The following ATAD2B variants were observed in gnomAD, a reference collection of about 807,000 sequenced individuals.
ATAD2B encodes ATPase family AAA domain-containing protein 2B.
In ATAD2B, 40 loss-of-function variants were observed where a neutral mutation model predicts 167.6. The observed-to-expected ratio is 0.24, with a 90% CI of 0.19 to 0.31. The LOEUF (loss-of-function observed/expected upper bound fraction) is 0.31. Among genes scored for constraint, ATAD2B ranks in the 10% least tolerant of loss-of-function variants. The pLI is 1.00. For synonymous variants in ATAD2B, 579 were observed against 596.5 expected (o/e 0.97, Z 0.43); for missense variants, 1,242 against 1,757.2 (o/e 0.71, Z 5.24).
chr2:23,754,199 C>A lies in ATAD2B; in HGVS notation c.4315G>T (p.Asp1439Tyr). 1 of 1,546,656 alleles carries A rather than the reference C, an allele frequency of 6.5e-7. No homozygotes were observed. Among genetic ancestry groups the A allele is most frequent in the Admixed American group, 2.0e-5 (1 of 48,932 alleles). The change falls in exon 27 of 28, where the codon GAC (aspartate) becomes TAC (tyrosine). Residue 1439 changes from aspartate (D) to tyrosine (Y), a missense_variant. By Grantham distance (160) the Asp-to-Tyr change is radical. Around this residue, in one of 9 missense-constraint regions of ATAD2B, gnomAD observed 282 missense variants for 346.8 expected, o/e 0.81. Coordinates refer to ENST00000238789, the MANE Select transcript of ATAD2B (RefSeq NM_017552.4). Reference protein sequence around the residue: ...QCIYRHRKDYDKSQLVEEMER... With the variant: ...QCIYRHRKDYYKSQLVEEMER... The stretch of plus-strand genomic sequence containing the variant: ...CTTACCTCTACAAGTTGTGATTTGT[C>A]ATAATCTTTACGATGACGGTAGATA...
At chr2:23,879,900 A>G (rs1697593055) in intron 7 of ATAD2B, among the ~76,000 whole-genome samples, 1 of 152,024 alleles carries the variant, frequency 6.6e-6, no homozygotes, top group Non-Finnish European at 1.5e-5. Context: ...ACTGAAAAAA[A>G]TATAAAAATT....
Position 23,875,829 on chromosome 2 carries a change from C to G in ATAD2B, c.977G>C (p.Arg326Thr). Reference protein sequence around the residue: ...HRSPARRSHIRRKKHAIHSSD... With the variant: ...HRSPARRSHITRKKHAIHSSD... ...GTTTCCTTTCAAAAACAAACCTTAC[C>G]TAATATGGCTTCTTCTTGCTGGAGA... Residue 326 changes from arginine to threonine, a missense_variant and splice_region_variant, in exon 8 of 28, where the codon AGG becomes ACG. By Grantham distance (71) the Arg-to-Thr change is moderately conservative (BLOSUM62 -1). Transcript: ENST00000238789. 6.2e-7 allele frequency: 1 copy of G among 1,603,426 alleles called. No homozygotes were observed. The highest frequency in any genetic ancestry group is 8.5e-7 in the Non-Finnish European group (1 of 1,173,434).
In ATAD2B at chr2:23,874,484, C is replaced by T. The variant is rs1256215427; in HGVS notation, c.977+1345G>A. ...CTGTAATCCCAGCACTTTGGGATCA[C>T]TTGAGCCCAGGAGTTCAAGACCAGT... is the stretch of plus-strand genomic sequence containing the variant. On this transcript the variant is annotated intron_variant, in intron 8 of 27. Coordinates refer to ENST00000238789, the MANE Select transcript of ATAD2B (RefSeq NM_017552.4). 4.6e-5 allele frequency among the ~76,000 whole-genome samples: 7 copies of T among 152,080 alleles called. No homozygotes were observed. In the South Asian group the frequency reaches 1.4e-3, roughly 31 times the overall value.
At chr2:23,902,781 T>C (rs768976998) in intron 1 of ATAD2B, among the ~76,000 whole-genome samples, 6 of 152,096 alleles carry the variant, frequency 3.9e-5, no homozygotes, top group Non-Finnish European at 7.4e-5. Flanking sequence ...AAGAACTACT[T>C]GAGGCCAAGC....
chr2:23,803,708 A>G (rs991917341), intron 18 of ATAD2B, among the ~76,000 whole-genome samples: 1 of 152,220 alleles, frequency 6.6e-6, no homozygotes, highest in Admixed American at 6.5e-5. Flanking sequence ...TGTCATGTAT[A>G]TTCTTGTGCA....
chr2:23,706,375 TGCAAAAGGCACAGGCAGCC>T, the ATAD2B span: 4 of 875,976 alleles, frequency 4.6e-6, no homozygotes, highest in African/African-American at 7.1e-5. Flanking sequence ...AGATGCCTTC[TGCAAAAGGCACAGGCAGCC>T]TACAACAGGA....
chr2:23,714,583 A>G, the ATAD2B span, among the ~76,000 whole-genome samples: 1 of 149,856 alleles, frequency 6.7e-6, no homozygotes, highest in Non-Finnish European at 1.5e-5. Flanking sequence ...GGCCAGGTGC[A>G]GTAGCTCACG....
At chr2:23,920,707 CA>C (rs1297572820) in intron 1 of ATAD2B, among the ~76,000 whole-genome samples, 6 of 149,028 alleles carry the variant, frequency 4.0e-5, no homozygotes, top group South Asian at 4.3e-4. Context: ...ACTTACTGCT[CA>C]AAAAAAAAAT....
chr2:23,776,116 AAAATAAAT>A (rs926760570), intron 22 of ATAD2B, among the ~76,000 whole-genome samples: 2 of 152,156 alleles, frequency 1.3e-5, no homozygotes, highest in African/African-American at 2.4e-5. Context: ...CTCCGTCTCA[AAAATAAAT>A]AAATAAATAA....
chr2:23,799,234 A>T (rs543804465), intron 18 of ATAD2B, among the ~76,000 whole-genome samples: 1 of 152,236 alleles, frequency 6.6e-6, no homozygotes, highest in South Asian at 2.1e-4. Flanking sequence ...ATTTTCCCTT[A>T]TTTTTAACAC....
chr2:23,880,431 C>G (rs987050116), intron 7 of ATAD2B, among the ~76,000 whole-genome samples: 1 of 151,866 alleles, frequency 6.6e-6, no homozygotes, highest in Non-Finnish European at 1.5e-5. Flanking sequence ...CTCATGGTGG[C>G]GGGCACCTGT....
In ATAD2B at chr2:23,891,342, T is replaced by C. The variant is rs17045985; in HGVS notation, c.369-2943A>G. ...GCCTACACTGAGATTTTGTAAGGGT[T>C]AGCCTGCTTAAACGTATATGCCTAA... On this transcript the variant is annotated intron_variant, in intron 2 of 27. Transcript: ENST00000238789. 3.4e-3 allele frequency among the ~76,000 whole-genome samples: 523 copies of C among 152,240 alleles called. 4 individuals carry two copies. Among genetic ancestry groups the C allele is most frequent in the African/African-American group, 0.012 (508 of 41,542 alleles).
intron 1 of ATAD2B, among the ~76,000 whole-genome samples, chr2:23,914,710 C>T (rs1290085165): frequency 6.6e-6 from 1 of 151,896 alleles, no homozygotes; most frequent in Non-Finnish European, 1.5e-5. Context: ...GGCGAGGTGG[C>T]GGGCACCTGT....
chr2:23,714,697 A>C, the ATAD2B span, among the ~76,000 whole-genome samples: 1 of 151,856 alleles, frequency 6.6e-6, no homozygotes, highest in Admixed American at 6.6e-5. Flanking sequence ...TCTACTAAAA[A>C]TACAAAAATT....
At chr2:23,760,125 G>A (rs989637382) in intron 24 of ATAD2B, among the ~76,000 whole-genome samples, 5 of 152,340 alleles carry the variant, frequency 3.3e-5, no homozygotes, top group Non-Finnish European at 5.9e-5. Flanking sequence ...GCAAGTTACT[G>A]CAGGATAGAC....
chr2:23,834,129 T>A, intron 13 of ATAD2B, 51 bp from the exon 14 acceptor site: 2 of 713,864 alleles, frequency 2.8e-6, no homozygotes, highest in Non-Finnish European at 4.3e-6. Context: ...CACTGCTGCT[T>A]ACAATAACGT....
chr2:23,812,457 T>C (rs10188521), intron 17 of ATAD2B, among the ~76,000 whole-genome samples: 245 of 152,296 alleles, frequency 1.6e-3, no homozygotes, highest in African/African-American at 5.7e-3. Context: ...TTTATACACA[T>C]AGGATTTTCA....
the ATAD2B span, among the ~76,000 whole-genome samples, chr2:23,741,413 T>C: frequency 3.3e-5 from 5 of 152,054 alleles, no homozygotes; most frequent in African/African-American, 1.2e-4. Context: ...TCTACAACTA[T>C]CTGATCTTTG....
chr2:23,767,998 T>C (rs78787842), intron 22 of ATAD2B, among the ~76,000 whole-genome samples: 3,117 of 152,078 alleles, frequency 0.02, 55 homozygotes, highest in South Asian at 0.031. Context: ...AGTTTGGAGA[T>C]GCCTAAAAAA....
Sources: gnomAD v4.1 joint callset for allele counts (sites outside exome capture counted in the v4.1 genomes callset) on GRCh38, gnomAD v4.1.1 for gene constraint, gnomAD v4.1.1 regional missense constraint, MANE v1.5 for transcripts, NCBI Gene and HGNC (gene_info 2026-07-23, HGNC 2026-07-21) for gene names.